Variants in MRE11 observed in about 807,000 individuals in gnomAD.
MRE11 encodes double-strand break repair protein MRE11.
A neutral mutation model predicts 91.7 loss-of-function variants in MRE11; 62 were observed. The ratio of observed to expected loss-of-function variants is 0.68; its 90% confidence interval spans 0.55 to 0.84. MRE11 has a LOEUF of 0.84. MRE11 is among the 40% of genes least tolerant of loss of function. The pLI is 0.00. For synonymous variants in MRE11, 273 were observed against 271.4 expected, an observed-to-expected ratio of 1.01 and a Z score of -0.06; for missense variants, 796 against 852.9, an observed-to-expected ratio of 0.93 and a Z score of 0.83.
Position 94,431,963 on chromosome 11 carries a change from G to GA in MRE11, c.1995-1978dup, listed in dbSNP as rs1004313697. Among the ~76,000 whole-genome samples, 586 of 145,218 alleles carry GA rather than the reference G, an allele frequency of 4.0e-3. 2 individuals are homozygous for GA. Among genetic ancestry groups the GA allele is most frequent in the African/African-American group, 7.1e-3 (282 of 39,912 alleles). ...AGAATAGCATTTTGATCCATTTCTG[G>GA]AAAAAAAAAAACTTAGAAAGCTAGA... On this transcript the variant is annotated intron_variant, in intron 18 of 19. Transcript: ENST00000323929.
At chr11:94,474,835 C>A (rs546877616) in intron 7 of MRE11, among the ~76,000 whole-genome samples, 5 of 152,206 alleles carry the variant, frequency 3.3e-5, no homozygotes, top group African/African-American at 1.2e-4. Flanking sequence ...CTTAGAATTA[C>A]TTATGAGTTT....
intron 15 of MRE11, 38 bp from the exon 16 acceptor site, chr11:94,445,931 A>G: frequency 7.0e-7 from 1 of 1,422,658 alleles, no homozygotes; most frequent in Non-Finnish European, 9.9e-7. Context: ...CAAGCCTATC[A>G]GCAGCTAAGG....
intron 16 of MRE11, among the ~76,000 whole-genome samples, chr11:94,443,645 C>G (rs549340035): frequency 6.6e-6 from 1 of 152,248 alleles, no homozygotes; most frequent in Admixed American, 6.5e-5. Flanking sequence ...GCCAGGAGTT[C>G]TTAAGCTGGA....
rs1945038959 is a variant in MRE11, at chr11:94,416,788, T to C, written c.*3337A>G. 1 of 148,358 alleles carries C rather than the reference T, an allele frequency of 6.7e-6. No homozygotes were observed. The highest frequency in any genetic ancestry group is 2.5e-5 in the African/African-American group (1 of 40,190). 9.2% of individuals were successfully genotyped at this position (148,358 alleles called of 1,614,324 possible). ...CAGGAGAATGGCGTGGAGCTTGCAGTGAGCCGAAATGGTGCCCCTGCCCTC... is the reference window on the plus strand; with the variant it reads ...CAGGAGAATGGCGTGGAGCTTGCAGCGAGCCGAAATGGTGCCCCTGCCCTC... On this transcript the variant is annotated 3_prime_UTR_variant, in exon 20 of 20. Transcript: ENST00000323929.
chr11:94,454,500 A>G lies in MRE11; in HGVS notation c.1563+1776T>C, dbSNP rs79375885. ...GCCAAATGATTCTGCAAAGCTGTGA[A>G]TTACAGCTTGGCAGAGTTTCAGACT... On this transcript the variant is annotated intron_variant, in intron 14 of 19. Transcript: ENST00000323929. 9.0e-3 allele frequency among the ~76,000 whole-genome samples: 1,371 copies of G among 152,304 alleles called. 13 individuals are homozygous for G. Among genetic ancestry groups the G allele is most frequent in the Middle Eastern group, 0.02 (6 of 294 alleles).
chr11:94,506,458 A>G, the MRE11 span, among the ~76,000 whole-genome samples: 2 of 152,222 alleles, frequency 1.3e-5, no homozygotes, highest in Non-Finnish European at 2.9e-5. Context: ...TGGAAACAAA[A>G]AAAATCAAAA....
intron 12 of MRE11, 83 bp downstream of exon 12, chr11:94,460,853 A>G (rs1591674557): frequency 8.9e-7 from 1 of 1,129,842 alleles, no homozygotes; most frequent in Non-Finnish European, 1.3e-6. Context: ...CATTTTGTTT[A>G]AACTATCAAC....
At chr11:94,447,545 G>A (rs1222425486) in intron 14 of MRE11, 107 bp from the exon 15 acceptor site, 3 of 1,147,212 alleles carry the variant, frequency 2.6e-6, no homozygotes, top group Non-Finnish European at 3.8e-6. Context: ...AAAACATAAA[G>A]GAGGCTGACA....
In MRE11 at chr11:94,450,697, TGA is replaced by T. The variant is rs201642494; in HGVS notation, c.1564-3261_1564-3260del. On this transcript the variant is annotated intron_variant, in intron 14 of 19. Coordinates refer to ENST00000323929, the MANE Select transcript of MRE11 (RefSeq NM_005591.4). ...CAAGAATACTGAACATCACAACATA[TGA>T]GAGAGCTAAAGCAATGCTTATAAGA... 7.2e-5 allele frequency among the ~76,000 whole-genome samples: 11 copies of T among 152,088 alleles called. No individual in the cohort carries two copies. In the East Asian group the frequency reaches 2.1e-3, roughly 29 times the overall value.
the MRE11 span, among the ~76,000 whole-genome samples, chr11:94,500,215 T>G: frequency 2.0e-5 from 3 of 152,222 alleles, no homozygotes; most frequent in African/African-American, 7.2e-5. Context: ...TGAGAATGGA[T>G]TGTACCCATG....
chr11:94,445,042 AT>A (rs1435387882), intron 16 of MRE11, among the ~76,000 whole-genome samples: 1 of 152,100 alleles, frequency 6.6e-6, no homozygotes, highest in African/African-American at 2.4e-5. Flanking sequence ...CTTGAGGCCA[AT>A]TTTTAGACCA....
chr11:94,458,286 G>A (rs936672940), intron 13 of MRE11, among the ~76,000 whole-genome samples: 6 of 150,904 alleles, frequency 4.0e-5, no homozygotes, highest in Non-Finnish European at 7.4e-5. Context: ...TGACATAACT[G>A]TTGATAATAT....
chr11:94,464,011 C>CAT lies in MRE11; in HGVS notation c.1225+100_1225+101dup. 3 of 1,286,304 alleles carry CAT rather than the reference C, an allele frequency of 2.3e-6. No individual in the cohort carries two copies. The African/African-American group carries it at 4.5e-5, about 19-fold the overall frequency. The allele number at this position is 1,286,304 out of a possible 1,614,324, so 79.7% of individuals were successfully genotyped here. The stretch of plus-strand genomic sequence containing the variant: ...GTCAATTTGTTTAAGACATTACAAT[C>CAT]ATATTAAAACATCTTCCATTATTAT... On this transcript the variant is annotated intron_variant, in intron 11 of 19. Coordinates refer to ENST00000323929, the MANE Select transcript of MRE11 (RefSeq NM_005591.4).
At chr11:94,494,794 G>A (rs970936005), upstream of MRE11, among the ~76,000 whole-genome samples, 3 of 152,178 alleles carry the variant, frequency 2.0e-5, no homozygotes, top group African/African-American at 7.2e-5. Context: ...GGAAAAGCAT[G>A]TTGGGGGAGA....
At chr11:94,459,705 G>T in intron 12 of MRE11, 124 bp from the exon 13 acceptor site, 1 of 1,041,008 alleles carries the variant, frequency 9.6e-7, no homozygotes, top group South Asian at 1.6e-5. Context: ...CTGTAGTTAA[G>T]CCTACTAATA....
intron 15 of MRE11, among the ~76,000 whole-genome samples, chr11:94,446,932 T>C (rs1945948354): frequency 6.6e-6 from 1 of 152,210 alleles, no homozygotes; most frequent in African/African-American, 2.4e-5. Context: ...ACATATGACA[T>C]TAAATGTATC....
chr11:94,493,463 T>C (rs1947348251), intron 1 of MRE11, among the ~76,000 whole-genome samples: 1 of 152,014 alleles, frequency 6.6e-6, no homozygotes, highest in South Asian at 2.1e-4. Flanking sequence ...GAAGAGTGGC[T>C]GCCACCGCGA....
chr11:94,508,577 T>C, the MRE11 span, among the ~76,000 whole-genome samples: 2 of 152,218 alleles, frequency 1.3e-5, no homozygotes, highest in African/African-American at 4.8e-5. Context: ...ATCATTTATC[T>C]GGTGATCATA....
upstream of MRE11, chr11:94,497,119 G>A (rs1414980249): frequency 2.4e-6 from 2 of 847,494 alleles, no homozygotes; most frequent in African/African-American, 1.7e-5. Context: ...GTCATGCTAG[G>A]TATTATTTGG....
Sources: gnomAD v4.1 joint callset for allele counts (sites outside exome capture counted in the v4.1 genomes callset) on GRCh38, gnomAD v4.1.1 for gene constraint, MANE v1.5 for transcripts, NCBI Gene and HGNC (gene_info 2026-07-23, HGNC 2026-07-21) for gene names.